TSPEAR: variants seen among roughly 807,000 people sequenced by gnomAD.
TSPEAR encodes the protein thrombospondin-type laminin G domain and EAR repeat-containing protein.
Under a neutral mutation model 71.6 loss-of-function variants are expected in TSPEAR, and 69 were observed. The ratio of observed to expected loss-of-function variants is 0.96; its 90% CI spans 0.79 to 1.18. The LOEUF (loss-of-function observed/expected upper bound fraction) is 1.18. Among genes scored for constraint, TSPEAR ranks in the 50% most tolerant of loss-of-function variants. The pLI is 0.00. For missense variants in TSPEAR, 971 were observed against 894.9 expected, an observed-to-expected ratio of 1.09 and a Z score of -1.09; for synonymous variants, 402 against 387.2, an observed-to-expected ratio of 1.04 and a Z score of -0.45.
Position 44,550,784 on chromosome 21 carries a change from G to C in TSPEAR, c.304-16861C>G, listed in dbSNP as rs782475643. 3 of 1,614,104 alleles carry C rather than the reference G, an allele frequency of 1.9e-6. No homozygotes were observed. In the Admixed American group the frequency reaches 5.0e-5, roughly 27 times the overall value. On this transcript the variant is annotated intron_variant, in intron 2 of 11. Coordinates refer to ENST00000323084, the MANE Select transcript of TSPEAR (RefSeq NM_144991.3). ...GGAGGGACACAGAGGAGGAGGGTCTGCAGCAGGAGGAGGTGCAGCAAGCTG... is the reference window on the plus strand; with the variant it reads ...GGAGGGACACAGAGGAGGAGGGTCTCCAGCAGGAGGAGGTGCAGCAAGCTG...
chr21:44,621,998 A>G (rs1318467801), intron 1 of TSPEAR, among the ~76,000 whole-genome samples: 5 of 152,100 alleles, frequency 3.3e-5, no homozygotes, highest in African/African-American at 1.2e-4. Flanking sequence ...CTTTACAATT[A>G]CCTTTTCCAA....
At chr21:44,572,498 C>CA (rs1383896090) in intron 1 of TSPEAR, among the ~76,000 whole-genome samples, 2 of 152,044 alleles carry the variant, frequency 1.3e-5, no homozygotes, top group Non-Finnish European at 2.9e-5. Flanking sequence ...GCTGAGTGCC[C>CA]AGTGCTGGGC....
chr21:44,669,974 C>T (rs1433598338), intron 1 of TSPEAR, among the ~76,000 whole-genome samples: 1 of 152,126 alleles, frequency 6.6e-6, no homozygotes, highest in African/African-American at 2.4e-5. Flanking sequence ...ACAGAATACA[C>T]CCACAAGAAA....
intron 1 of TSPEAR, chr21:44,628,175 G>T (rs1569228396): frequency 4.8e-6 from 6 of 1,246,526 alleles, no homozygotes; most frequent in African/African-American, 3.0e-5. Flanking sequence ...CAGCCGCCCA[G>T]CCCCGGGGTC....
intron 2 of TSPEAR, among the ~76,000 whole-genome samples, chr21:44,554,359 T>C (rs1395350782): frequency 2.0e-5 from 3 of 152,142 alleles, no homozygotes; most frequent in Admixed American, 6.5e-5. Flanking sequence ...TGCCTGCTGC[T>C]CAAGACCCTC....
chr21:44,708,133 A>T (rs1988036466), intron 1 of TSPEAR, among the ~76,000 whole-genome samples: 1 of 151,950 alleles, frequency 6.6e-6, no homozygotes, highest in Non-Finnish European at 1.5e-5. Flanking sequence ...GCTGGGGGTA[A>T]CCCGTGCATG....
At chr21:44,636,984 A>G (rs1430875111) in intron 1 of TSPEAR, among the ~76,000 whole-genome samples, 3 of 152,072 alleles carry the variant, frequency 2.0e-5, no homozygotes, top group Non-Finnish European at 4.4e-5. Flanking sequence ...GGCTCTCCCA[A>G]TCTCAGCCAC....
At chr21:44,706,935 A>G (rs1987955228) in intron 1 of TSPEAR, among the ~76,000 whole-genome samples, 1 of 152,142 alleles carries the variant, frequency 6.6e-6, no homozygotes. Context: ...AGCCATCGAG[A>G]GATGGGGTCC....
intron 2 of TSPEAR, among the ~76,000 whole-genome samples, chr21:44,565,607 A>G (rs2053692554): frequency 6.6e-6 from 1 of 152,336 alleles, no homozygotes; most frequent in South Asian, 2.1e-4. Context: ...CAGAATAAAA[A>G]ACAAAAATAG....
chr21:44,637,900 C>T (rs782366160), intron 1 of TSPEAR: 6 of 1,535,758 alleles, frequency 3.9e-6, no homozygotes, highest in Non-Finnish European at 5.3e-6. Context: ...TGCCTGTGTG[C>T]TCTGGGGCTT....
At chr21:44,557,967 A>G in intron 2 of TSPEAR, 2 of 1,486,506 alleles carry the variant, frequency 1.3e-6, no homozygotes, top group Non-Finnish European at 1.8e-6. Flanking sequence ...GGCAGAGGAG[A>G]CTCAGACAGG....
intron 2 of TSPEAR, among the ~76,000 whole-genome samples, chr21:44,556,561 C>T (rs1555919845): frequency 6.6e-6 from 1 of 152,116 alleles, no homozygotes; most frequent in Non-Finnish European, 1.5e-5. Flanking sequence ...GGCATGGTGG[C>T]CTGCGCCTGT....
Position 44,612,887 on chromosome 21 carries a change from T to C in TSPEAR, c.83-44882A>G. On this transcript the variant is annotated intron_variant, in intron 1 of 11. Coordinates refer to ENST00000323084, the MANE Select transcript of TSPEAR (RefSeq NM_144991.3). This position sits in a 1 kb window ranked among gnomAD's most constrained non-coding sequence, Gnocchi z 4.1. ...CTCCCGCCTGGCCTGCTGAGGCCTCTGCTCAGGCCAGGAGTCCAGCTGCTG... is the reference window on the plus strand; with the variant it reads ...CTCCCGCCTGGCCTGCTGAGGCCTCCGCTCAGGCCAGGAGTCCAGCTGCTG... 3 of 1,610,410 alleles carry C rather than the reference T, an allele frequency of 1.9e-6. No homozygotes were observed. Among genetic ancestry groups the C allele is most frequent in the Non-Finnish European group, 2.5e-6 (3 of 1,179,446 alleles).
intron 1 of TSPEAR, among the ~76,000 whole-genome samples, chr21:44,617,650 A>G (rs1982190612): frequency 1.3e-5 from 2 of 152,238 alleles, no homozygotes; most frequent in Non-Finnish European, 2.9e-5. Flanking sequence ...TAAGAGCTAT[A>G]CAATCACAAT....
intron 8 of TSPEAR, 113 bp downstream of exon 8, chr21:44,525,540 T>G: frequency 8.8e-7 from 1 of 1,137,754 alleles, no homozygotes; most frequent in Non-Finnish European, 1.3e-6. Context: ...ATGTTCACCC[T>G]GTGCTGCATG....
intron 2 of TSPEAR, among the ~76,000 whole-genome samples, chr21:44,563,239 G>T (rs587644375): frequency 1.3e-5 from 2 of 152,152 alleles, no homozygotes; most frequent in African/African-American, 4.8e-5. Context: ...TTTCTTCTCT[G>T]AGCATCTTTA....
At chr21:44,667,926 C>T (rs1481489653) in intron 1 of TSPEAR, among the ~76,000 whole-genome samples, 1 of 152,208 alleles carries the variant, frequency 6.6e-6, no homozygotes, top group East Asian at 1.9e-4. Context: ...CAACACAATA[C>T]AAGCCATACA....
intron 1 of TSPEAR, chr21:44,601,597 C>T (rs782459507): frequency 5.6e-6 from 9 of 1,612,590 alleles, no homozygotes; most frequent in South Asian, 1.1e-5. Flanking sequence ...CGTGCCCGTC[C>T]CCTCCTGCTG....
At chr21:44,654,225 G>A in intron 1 of TSPEAR, 1 of 1,447,966 alleles carries the variant, frequency 6.9e-7, no homozygotes, top group Non-Finnish European at 9.7e-7. Context: ...AGTTCAGAGA[G>A]CCTGCTGGCT....
Sources: allele counts gnomAD v4.1 joint callset (sites outside exome capture counted in the v4.1 genomes callset), GRCh38; gene constraint gnomAD v4.1.1; non-coding constraint Gnocchi (gnomAD v3.1); transcripts MANE v1.5; gene names NCBI Gene and HGNC (gene_info 2026-07-23, HGNC 2026-07-21).